UBE2V1: variants seen among roughly 807,000 people sequenced by gnomAD.
The protein encoded by UBE2V1 is ubiquitin conjugating enzyme E2 V1.
UBE2V1 carries 15 observed loss-of-function variants against 19.6 expected under a neutral mutation model. That is an observed-to-expected ratio of 0.77 (90% CI 0.51 to 1.18). The LOEUF is 1.18. Among genes scored for constraint, UBE2V1 ranks in the 50% most tolerant of loss-of-function variants. The pLI is 0.00. For synonymous variants in UBE2V1, 60 were observed against 60.7 expected (o/e 0.99, Z 0.05); for missense variants, 125 against 184.8 (o/e 0.68, Z 1.88).
Position 50,108,458 on chromosome 20 carries a change from G to A in UBE2V1, c.22+4649C>T, listed in dbSNP as rs1340803367. Among the ~76,000 whole-genome samples, 19 of 152,170 alleles carry A rather than the reference G, an allele frequency of 1.2e-4. 1 individual carries two copies. On this transcript the variant is annotated intron_variant, in intron 1 of 3. Transcript: ENST00000371674. ...AGGCCTACCTCAGAGAATAAGAAAT[G>A]GGGGCTGGAAGAACGATCATCCGGC...
intron 1 of UBE2V1, among the ~76,000 whole-genome samples, chr20:50,097,581 T>C (rs1485976040): frequency 6.6e-6 from 1 of 152,116 alleles, no homozygotes; most frequent in Non-Finnish European, 1.5e-5. Context: ...GAGGGGGCTA[T>C]GGGAGGAGAG....
intron 1 of UBE2V1, among the ~76,000 whole-genome samples, chr20:50,098,702 C>T (rs150555152): frequency 2.4e-4 from 37 of 152,064 alleles, no homozygotes; most frequent in African/African-American, 8.2e-4. Context: ...TTTACAGTCA[C>T]GTATTTATGT....
At chr20:50,102,685 C>T (rs2080082132) in intron 1 of UBE2V1, among the ~76,000 whole-genome samples, 2 of 152,280 alleles carry the variant, frequency 1.3e-5, no homozygotes, top group African/African-American at 2.4e-5. Context: ...AGCCACCGTG[C>T]TCGGCCGACG....
intron 1 of UBE2V1, 35 bp downstream of exon 1, chr20:50,113,051 GCCCCCGGCCCAAGCCCATGCC>G: frequency 1.3e-6 from 1 of 784,048 alleles, no homozygotes; most frequent in Non-Finnish European, 1.8e-6. Context: ...AGGGTCCCCG[GCCCCCGGCCCAAGCCCATGCC>G]CCCTCGGCCG....
At chr20:50,107,601 T>C (rs1201559128) in intron 1 of UBE2V1, among the ~76,000 whole-genome samples, 2 of 152,252 alleles carry the variant, frequency 1.3e-5, no homozygotes, top group Non-Finnish European at 2.9e-5. Flanking sequence ...TTTCAGTTTT[T>C]TGAAAGGCTG....
At position 50,113,141 on chromosome 20, in the gene UBE2V1, T is replaced by G; in HGVS notation, c.-13A>C. The G allele has an allele frequency of 3.0e-6, 4 of 1,337,242 alleles. No individual in the cohort carries two copies. Among genetic ancestry groups the G allele is most frequent in the Admixed American group, 3.1e-5 (1 of 32,684 alleles). 82.8% of individuals were successfully genotyped at this position (1,337,242 alleles called of 1,614,324 possible). A position where few individuals can be genotyped will look rare whatever the true frequency, so the allele number is the denominator to read the frequency against. On this transcript the variant is annotated 5_prime_UTR_variant, in exon 1 of 4. Coordinates refer to ENST00000371674, the MANE Select transcript of UBE2V1 (RefSeq NM_001032288.3). ...TGGTGGCTGCCATCTTGCGTCGCTC[T>G]TGCTTGAAGGCCGGCCCCTTCTTCA...
intron 1 of UBE2V1, among the ~76,000 whole-genome samples, chr20:50,106,844 A>AAAC (rs943087739): frequency 8.3e-4 from 109 of 131,714 alleles, no homozygotes; most frequent in East Asian, 2.3e-3. Context: ...TCAAAACCAA[A>AAAC]AACAACAACA....
chr20:50,112,106 G>A (rs2080791899), intron 1 of UBE2V1, among the ~76,000 whole-genome samples: 1 of 152,284 alleles, frequency 6.6e-6, no homozygotes, highest in East Asian at 1.9e-4. Context: ...GAGAGTGAGC[G>A]TCTCCACAGA....
intron 1 of UBE2V1, among the ~76,000 whole-genome samples, chr20:50,106,540 G>A (rs939229478): frequency 6.6e-6 from 1 of 152,150 alleles, no homozygotes; most frequent in African/African-American, 2.4e-5. Context: ...GAATTAAAAT[G>A]GTAGAGCTGG....
chr20:50,094,641 T>C (rs973045337), intron 2 of UBE2V1, among the ~76,000 whole-genome samples: 1 of 152,114 alleles, frequency 6.6e-6, no homozygotes, highest in African/African-American at 2.4e-5. Context: ...CCACATACTG[T>C]AGAATTCCAT....
rs183276437 is a variant in UBE2V1 at position 50,107,051 on chromosome 20, C to T, written c.22+6056G>A. ...TGGAAGGTGATGCACTGGGATTCAA[C>T]GTCCCTGAAAACTGGACATAGAGCC... is the stretch of plus-strand genomic sequence containing the variant. On this transcript the variant is annotated intron_variant, in intron 1 of 3. Transcript: ENST00000371674. Among the ~76,000 whole-genome samples the T allele has an allele frequency of 3.3e-4, 51 of 152,268 alleles. 1 individual carries two copies. In the East Asian group the frequency reaches 9.1e-3, roughly 27 times the overall value.
intron 1 of UBE2V1, among the ~76,000 whole-genome samples, chr20:50,109,959 G>A (rs753282093): frequency 6.6e-6 from 1 of 152,194 alleles, no homozygotes; most frequent in Non-Finnish European, 1.5e-5. Flanking sequence ...AAGGGACTGT[G>A]AGTTTTCATC....
In UBE2V1 at chr20:50,113,106, C is replaced by A; in HGVS notation, c.22+1G>T. On this transcript the variant is annotated splice_donor_variant, in intron 1 of 3. Transcript: ENST00000371674. LOFTEE classifies it high-confidence loss of function. ...CGGCCGGGCCCGGCGCCCCCGCTCA[C>A]CCGAGCCCGTGGTGGCTGCCATCTT... The A allele has an allele frequency of 7.4e-7, 1 of 1,346,102 alleles. No individual in the cohort carries two copies. Among genetic ancestry groups the A allele is most frequent in the Non-Finnish European group, 9.7e-7 (1 of 1,028,696 alleles). The allele number at this position is 1,346,102 out of a possible 1,614,324, so 83.4% of individuals were successfully genotyped here.
At position 50,087,258 on chromosome 20, in the gene UBE2V1, T is replaced by C. The variant is rs1044056718; in HGVS notation, c.172-3004A>G. 2.6e-5 allele frequency among the ~76,000 whole-genome samples: 4 copies of C among 151,740 alleles called. 1 individual carries two copies. Among genetic ancestry groups the C allele is most frequent in the South Asian group, 4.2e-4 (2 of 4,802 alleles). The stretch of plus-strand genomic sequence containing the variant: ...TAAAAATACAAAAATTAGCCAGGCA[T>C]ATTGGCAGGTGCCTGTAGTCCCAGC... On this transcript the variant is annotated intron_variant, in intron 2 of 3. Transcript: ENST00000371674.
chr20:50,084,287 T>C, intron 2 of UBE2V1, 33 bp from the exon 3 acceptor site: 2 of 1,610,246 alleles, frequency 1.2e-6, no homozygotes, highest in Middle Eastern at 1.7e-4. Flanking sequence ...TGTCACGCAA[T>C]TACAAACAAA....
chr20:50,105,705 T>C (rs989633804), intron 1 of UBE2V1, among the ~76,000 whole-genome samples: 2 of 152,138 alleles, frequency 1.3e-5, no homozygotes, highest in Non-Finnish European at 2.9e-5. Context: ...TCTCAGTACT[T>C]TGAGAGGCCG....
intron 1 of UBE2V1, chr20:50,104,311 T>C: frequency 1.0e-6 from 1 of 958,602 alleles, no homozygotes; most frequent in Non-Finnish European, 1.2e-6. Flanking sequence ...CAGTATTTCC[T>C]ATTGTAAACT....
intron 1 of UBE2V1, among the ~76,000 whole-genome samples, chr20:50,101,992 C>A (rs1459875414): frequency 2.0e-5 from 3 of 152,088 alleles, no homozygotes; most frequent in Non-Finnish European, 2.9e-5. Context: ...TAAGGGTAAT[C>A]GGGGGGAGCT....
chr20:50,090,473 C>CAAA (rs34134046), intron 2 of UBE2V1, among the ~76,000 whole-genome samples: 2 of 96,708 alleles, frequency 2.1e-5, no homozygotes, highest in African/African-American at 3.5e-5. Flanking sequence ...GACTCTGTCT[C>CAAA]AAAAAAAAAA....
Sources: allele counts gnomAD v4.1 joint callset (sites outside exome capture counted in the v4.1 genomes callset), GRCh38; gene constraint gnomAD v4.1.1; transcripts MANE v1.5; gene names NCBI Gene and HGNC (gene_info 2026-07-23, HGNC 2026-07-21).